The following TRABD2B variants were observed in gnomAD, a reference collection of about 807,000 sequenced individuals.
The protein encoded by TRABD2B is TraB domain containing 2B, also known as metalloprotease TIKI2.
Under a neutral mutation model 40.1 loss-of-function variants are expected in TRABD2B, and 14 were observed. That is an observed-to-expected ratio of 0.35 (90% confidence interval 0.23 to 0.55). The LOEUF is 0.55. TRABD2B is among the 20% of genes least tolerant of loss of function. TRABD2B has a pLI of 0.90. For synonymous variants in TRABD2B, 263 were observed against 277.0 expected (o/e 0.95, Z 0.50); for missense variants, 541 against 648.6 (o/e 0.83, Z 1.80).
intron 4 of TRABD2B, among the ~76,000 whole-genome samples, chr1:47,782,963 G>A (rs1459725211): frequency 3.3e-5 from 5 of 152,188 alleles, no homozygotes; most frequent in Non-Finnish European, 7.3e-5. Context: ...GCTCTCTGCA[G>A]GAAGATACGT....
chr1:47,984,339 C>T (rs1274979236), intron 2 of TRABD2B, among the ~76,000 whole-genome samples: 1 of 152,238 alleles, frequency 6.6e-6, no homozygotes, highest in East Asian at 1.9e-4. Flanking sequence ...CACACTGCGG[C>T]CCCCAAGGCG....
At chr1:47,800,041 T>C (rs1471705704) in intron 3 of TRABD2B, among the ~76,000 whole-genome samples, 1 of 152,162 alleles carries the variant, frequency 6.6e-6, no homozygotes, top group East Asian at 1.9e-4. Context: ...CCTTCATTCA[T>C]TCATTCAGCA....
At chr1:47,874,519 G>T (rs868605819) in intron 2 of TRABD2B, among the ~76,000 whole-genome samples, 272 of 149,618 alleles carry the variant, frequency 1.8e-3, no homozygotes, top group African/African-American at 6.4e-3. Flanking sequence ...TGATCCACCC[G>T]CCTCGGCCTC....
At chr1:47,842,497 C>T (rs1346390052) in intron 2 of TRABD2B, among the ~76,000 whole-genome samples, 1 of 152,208 alleles carries the variant, frequency 6.6e-6, no homozygotes, top group Non-Finnish European at 1.5e-5. Flanking sequence ...CCTCTCCCTC[C>T]AGCACCAGCC....
Position 47,996,374 on chromosome 1 carries a change from A to C in TRABD2B, c.102+314T>G, listed in dbSNP as rs1048756058. ...GAGAGACCAGAAGGGTAAAGACAGA[A>C]AAAATATGAGAAAGGAGAGACAAAA... On this transcript the variant is annotated intron_variant, in intron 1 of 6. Transcript: ENST00000606738. This position sits in a 1 kb window ranked among gnomAD's most constrained non-coding sequence, Gnocchi z 4.6. 6.6e-6 allele frequency among the ~76,000 whole-genome samples: 1 copy of C among 152,192 alleles called. No homozygotes were observed. The highest frequency in any genetic ancestry group is 2.4e-5 in the African/African-American group (1 of 41,458).
intron 2 of TRABD2B, among the ~76,000 whole-genome samples, chr1:47,933,001 C>G (rs1645059288): frequency 6.6e-6 from 1 of 152,204 alleles, no homozygotes; most frequent in Admixed American, 6.5e-5. Flanking sequence ...TAATTCAGCA[C>G]TAGCACAGGG....
chr1:47,941,411 C>T (rs1334050488), intron 2 of TRABD2B, among the ~76,000 whole-genome samples: 1 of 152,204 alleles, frequency 6.6e-6, no homozygotes, highest in Non-Finnish European at 1.5e-5. Flanking sequence ...CACTCGCAGA[C>T]ATACATGTAC....
intron 2 of TRABD2B, among the ~76,000 whole-genome samples, chr1:47,915,455 G>C (rs1644818377): frequency 6.6e-6 from 1 of 152,212 alleles, no homozygotes; most frequent in Non-Finnish European, 1.5e-5. Context: ...CCATTTGCAT[G>C]TGTATACGCT....
Position 47,858,314 on chromosome 1 carries a change from G to C in TRABD2B, c.667-56695C>G, listed in dbSNP as rs1643918973. 2.0e-5 allele frequency among the ~76,000 whole-genome samples: 3 copies of C among 151,378 alleles called. No individual in the cohort carries two copies. The South Asian group carries it at 6.2e-4, about 31-fold the overall frequency. ...GCTCCATCACCCAGGCTGGTGTGCA[G>C]TGGTGCAATCACAGCTCACTGCAAC... On this transcript the variant is annotated intron_variant, in intron 2 of 6. Coordinates refer to ENST00000606738, the MANE Select transcript of TRABD2B (RefSeq NM_001194986.2).
At chr1:47,784,157 G>A (rs1034815074) in intron 4 of TRABD2B, among the ~76,000 whole-genome samples, 28 of 152,206 alleles carry the variant, frequency 1.8e-4, no homozygotes, top group African/African-American at 6.5e-4. Flanking sequence ...GTGAGGGGAC[G>A]TGACTCGCCC....
intron 2 of TRABD2B, among the ~76,000 whole-genome samples, chr1:47,856,382 G>C (rs528165162): frequency 6.6e-6 from 1 of 152,248 alleles, no homozygotes; most frequent in Non-Finnish European, 1.5e-5. Flanking sequence ...GAACGCATGA[G>C]AGTGTGAAGT....
intron 2 of TRABD2B, among the ~76,000 whole-genome samples, chr1:47,910,403 T>G: frequency 6.6e-6 from 1 of 152,180 alleles, no homozygotes; most frequent in East Asian, 1.9e-4. Flanking sequence ...TCCTGTCAGC[T>G]TTCACAGCTC....
At chr1:47,775,793 C>T (rs1050547033) in intron 5 of TRABD2B, among the ~76,000 whole-genome samples, 4 of 152,142 alleles carry the variant, frequency 2.6e-5, no homozygotes, top group Admixed American at 2.6e-4. Flanking sequence ...CCAGACGCTG[C>T]TAACTGCCGA....
chr1:47,780,628 A>C (rs1644508542), intron 4 of TRABD2B, among the ~76,000 whole-genome samples: 1 of 152,106 alleles, frequency 6.6e-6, no homozygotes, highest in African/African-American at 2.4e-5. Context: ...GACTTCCTGG[A>C]GGGGGCACTG....
At chr1:47,929,259 G>A (rs1029154419) in intron 2 of TRABD2B, among the ~76,000 whole-genome samples, 1 of 152,192 alleles carries the variant, frequency 6.6e-6, no homozygotes, top group Admixed American at 6.5e-5. Flanking sequence ...TGAAGAGAGA[G>A]AGCCTCCTTA....
intron 2 of TRABD2B, among the ~76,000 whole-genome samples, chr1:47,859,538 C>T (rs1643935375): frequency 6.6e-6 from 1 of 152,234 alleles, no homozygotes; most frequent in African/African-American, 2.4e-5. Context: ...CCACAGAATT[C>T]AGAAGTCTTT....
At chr1:47,896,878 G>T (rs1003913290) in intron 2 of TRABD2B, among the ~76,000 whole-genome samples, 7 of 152,184 alleles carry the variant, frequency 4.6e-5, no homozygotes, top group Non-Finnish European at 1.0e-4. Context: ...AGTAAAAGTA[G>T]TTGCACATAG....
At chr1:47,947,086 T>C (rs1021228342) in intron 2 of TRABD2B, among the ~76,000 whole-genome samples, 36 of 152,178 alleles carry the variant, frequency 2.4e-4, no homozygotes, top group African/African-American at 7.7e-4. Flanking sequence ...ATTTTAAGGA[T>C]GAGAAAGTTT....
chr1:47,891,106 G>A (rs898447385), intron 2 of TRABD2B, among the ~76,000 whole-genome samples: 2 of 152,322 alleles, frequency 1.3e-5, no homozygotes, highest in Middle Eastern at 6.8e-3. Flanking sequence ...TTGTTATAAG[G>A]ATTAACTGAA....
Sources: gnomAD v4.1 joint callset for allele counts (sites outside exome capture counted in the v4.1 genomes callset) on GRCh38, gnomAD v4.1.1 for gene constraint, Gnocchi (gnomAD v3.1) non-coding constraint, MANE v1.5 for transcripts, NCBI Gene and HGNC (gene_info 2026-07-23, HGNC 2026-07-21) for gene names.